The following PRELID2 variants were observed in gnomAD, a reference collection of about 807,000 sequenced individuals.
The protein encoded by PRELID2 is PRELI domain-containing protein 2.
PRELID2 carries 25 observed loss-of-function variants against 28.4 expected under a neutral mutation model. The observed-to-expected ratio is 0.88, with a 90% CI of 0.64 to 1.23. The LOEUF (loss-of-function observed/expected upper bound fraction) is 1.23, where lower values mean the gene tolerates loss of function less well. Ranked by LOEUF, PRELID2 falls within the 50% of genes most tolerant of loss-of-function variation. The pLI, the probability that PRELID2 is intolerant of heterozygous loss-of-function variation, is 0.00. For missense variants in PRELID2, 201 were observed against 214.4 expected, an observed-to-expected ratio of 0.94 and a Z score of 0.39; for synonymous variants, 76 against 71.6, an observed-to-expected ratio of 1.06 and a Z score of -0.31.
chr5:145,551,340 G>C (rs1561504531), intron 1 of PRELID2, among the ~76,000 whole-genome samples: 1 of 151,998 alleles, frequency 6.6e-6, no homozygotes, highest in Non-Finnish European at 1.5e-5. Context: ...GGCAGAGGTT[G>C]CAGTGAGCCG....
At chr5:145,623,092 A>C (rs1339760222) in intron 1 of PRELID2, among the ~76,000 whole-genome samples, 1 of 152,172 alleles carries the variant, frequency 6.6e-6, no homozygotes, top group African/African-American at 2.4e-5. Flanking sequence ...TGAAGAAAAT[A>C]ATAAGATAGT....
chr5:145,465,488 G>A, the PRELID2 span, among the ~76,000 whole-genome samples: 1 of 152,094 alleles, frequency 6.6e-6, no homozygotes, highest in Admixed American at 6.6e-5. Context: ...TGAGCAGTAG[G>A]AAGATACAGT....
chr5:145,419,553 C>A, the PRELID2 span, among the ~76,000 whole-genome samples: 1 of 133,392 alleles, frequency 7.5e-6, no homozygotes, highest in African/African-American at 2.8e-5. Flanking sequence ...TGTTCATGTC[C>A]TTCGCCCACT....
intron 1 of PRELID2, among the ~76,000 whole-genome samples, chr5:145,725,887 C>G (rs936472764): frequency 6.6e-6 from 1 of 152,064 alleles, no homozygotes; most frequent in Non-Finnish European, 1.5e-5. Flanking sequence ...AGAATTTAAA[C>G]AGAAAGAATT....
chr5:145,479,850 A>G (rs1259123688), intron 1 of PRELID2, among the ~76,000 whole-genome samples: 4 of 152,202 alleles, frequency 2.6e-5, no homozygotes, highest in Non-Finnish European at 5.9e-5. Context: ...GATGACAAAA[A>G]AGGGGGGTAA....
At chr5:145,362,503 C>T in the PRELID2 span, among the ~76,000 whole-genome samples, 1 of 152,174 alleles carries the variant, frequency 6.6e-6, no homozygotes, top group Non-Finnish European at 1.5e-5. Flanking sequence ...TTTCTAATTT[C>T]ACTCATTTTT....
the PRELID2 span, among the ~76,000 whole-genome samples, chr5:145,453,225 A>G: frequency 6.6e-6 from 1 of 152,190 alleles, no homozygotes; most frequent in South Asian, 2.1e-4. Flanking sequence ...AAAAATTATG[A>G]TGCAATATGG....
At chr5:145,244,899 G>C in the PRELID2 span, among the ~76,000 whole-genome samples, 1 of 151,824 alleles carries the variant, frequency 6.6e-6, no homozygotes, top group Non-Finnish European at 1.5e-5. Context: ...TCTTCCTCAG[G>C]ATTTACTCCA....
rs74724368 is a variant in PRELID2 at position 145,572,544 on chromosome 5, T to G, written n.71-99229A>C. Among the ~76,000 whole-genome samples, 1,397 of 152,292 alleles carry G rather than the reference T, an allele frequency of 9.2e-3. 18 individuals are homozygous for G. The highest frequency in any genetic ancestry group is 0.032 in the African/African-American group (1,336 of 41,552). On this transcript the variant is annotated intron_variant and non_coding_transcript_variant, in intron 1 of 2. Coordinates refer to the PRELID2 transcript ENST00000510259. ...TGTTAACTATCATTATCATAATTAT[T>G]TTAGTTATGAGAAGATGACATTTTT... is the stretch of plus-strand genomic sequence containing the variant.
chr5:145,392,271 C>T, the PRELID2 span, among the ~76,000 whole-genome samples: 8 of 145,066 alleles, frequency 5.5e-5, no homozygotes, highest in Non-Finnish European at 1.2e-4. Context: ...ACAATCATGA[C>T]AGAAAGGGAA....
chr5:145,320,273 CTTT>C, the PRELID2 span, among the ~76,000 whole-genome samples: 3 of 142,768 alleles, frequency 2.1e-5, no homozygotes, highest in Non-Finnish European at 1.5e-5. Flanking sequence ...CACTCAACAG[CTTT>C]TTTTTTTTTT....
intron 1 of PRELID2, among the ~76,000 whole-genome samples, chr5:145,741,070 TTA>T: frequency 2.5e-5 from 3 of 118,258 alleles, no homozygotes; most frequent in African/African-American, 6.8e-5. Context: ...TATTATATAT[TTA>T]TGTATAAATA....
the PRELID2 span, among the ~76,000 whole-genome samples, chr5:145,273,994 G>C: frequency 1.3e-5 from 2 of 152,228 alleles, no homozygotes; most frequent in African/African-American, 4.8e-5. Context: ...GAGGGACAGG[G>C]GTGCGTGATG....
rs540055824 is a variant in PRELID2 at position 145,805,563 on chromosome 5, G to A, written c.369-9016C>T. On this transcript the variant is annotated intron_variant, in intron 4 of 6. Coordinates refer to ENST00000683046, the MANE Select transcript of PRELID2 (RefSeq NM_205846.3). Reference sequence around the variant, plus strand: ...AAGGTGAATCTACATTTTTAACTCCGCCCCTGAATCTTGGGCCAATATACA... The same window carrying A: ...AAGGTGAATCTACATTTTTAACTCCACCCCTGAATCTTGGGCCAATATACA... Among the ~76,000 whole-genome samples, 13 of 152,142 alleles carry A rather than the reference G, an allele frequency of 8.5e-5. No homozygotes were observed. The South Asian group carries it at 1.7e-3, about 19-fold the overall frequency.
chr5:145,655,740 A>G (rs1330216186), intron 1 of PRELID2, among the ~76,000 whole-genome samples: 2 of 152,220 alleles, frequency 1.3e-5, no homozygotes, highest in Non-Finnish European at 2.9e-5. Context: ...ACCTTATACA[A>G]AAATTAATTC....
At chr5:145,474,663 C>A (rs1385133010) in intron 1 of PRELID2, among the ~76,000 whole-genome samples, 3 of 152,164 alleles carry the variant, frequency 2.0e-5, no homozygotes, top group African/African-American at 2.4e-5. Flanking sequence ...CAAGTCACAG[C>A]TGGCCCCTCA....
intron 5 of PRELID2, among the ~76,000 whole-genome samples, chr5:145,774,662 C>T (rs948413979): frequency 6.6e-6 from 1 of 152,184 alleles, no homozygotes; most frequent in South Asian, 2.1e-4. Flanking sequence ...ATTTTCCTCA[C>T]CCTTCACATC....
At chr5:145,271,592 A>G in the PRELID2 span, among the ~76,000 whole-genome samples, 1 of 152,176 alleles carries the variant, frequency 6.6e-6, no homozygotes, top group East Asian at 1.9e-4. Context: ...TAGTTAAGTT[A>G]CTGTCATTCC....
chr5:145,762,133 T>A (rs1757504526), intron 6 of PRELID2, among the ~76,000 whole-genome samples: 1 of 152,202 alleles, frequency 6.6e-6, no homozygotes, highest in Non-Finnish European at 1.5e-5. Flanking sequence ...GAGTTGGAAT[T>A]ATATAAATCT....
Sources: allele counts gnomAD v4.1 joint callset (sites outside exome capture counted in the v4.1 genomes callset), GRCh38; gene constraint gnomAD v4.1.1; transcripts MANE v1.5; gene names NCBI Gene and HGNC (gene_info 2026-07-23, HGNC 2026-07-21).